LEKR1: variants seen among roughly 807,000 people sequenced by gnomAD.
LEKR1 encodes leucine, glutamate and lysine rich 1.
A neutral mutation model predicts 72.4 loss-of-function variants in LEKR1; 59 were observed. That is an observed-to-expected ratio of 0.82 (90% CI 0.66 to 1.01). LEKR1 has a LOEUF of 1.01. Among genes scored for constraint, LEKR1 ranks in the 50% least tolerant of loss-of-function variants. The probability of loss-of-function intolerance (pLI) is 0.00; values close to 1 mark genes in which losing one functional copy is unlikely to be tolerated. For missense variants in LEKR1, 728 were observed against 759.2 expected (o/e 0.96, Z 0.48); for synonymous variants, 257 against 263.2 (o/e 0.98, Z 0.23).
intron 5 of LEKR1, among the ~76,000 whole-genome samples, chr3:156,940,374 T>C (rs1726093945): frequency 1.3e-5 from 2 of 152,270 alleles, no homozygotes; most frequent in South Asian, 4.1e-4. Context: ...AGGTAACATT[T>C]GAGCCATGAT....
At chr3:156,972,117 T>A (rs1264207953) in intron 6 of LEKR1, among the ~76,000 whole-genome samples, 1 of 151,980 alleles carries the variant, frequency 6.6e-6, no homozygotes, top group African/African-American at 2.4e-5. Flanking sequence ...ATAGACTGGA[T>A]TAAGAAAATA....
rs1560157703 is a variant in LEKR1 at position 157,028,375 on chromosome 3, AG to A, written c.1642del (p.Glu548SerfsTer27). The stretch of plus-strand genomic sequence containing the variant: ...TAATGCTGGCTCAAACACAACTGAT[AG>A]AGCAATTTAACCAGTCCCAGGAAGA... ...RVMLAQTQLI[E>X]QFNQSQEENT... On this transcript the variant is annotated frameshift_variant, in exon 12 of 13. Transcript: ENST00000356539. LOFTEE classifies it low-confidence loss of function (END_TRUNC). The A allele has an allele frequency of 6.2e-6, 10 of 1,608,200 alleles. No homozygotes were observed. The East Asian group carries it at 2.2e-4, about 36-fold the overall frequency.
intron 12 of LEKR1, among the ~76,000 whole-genome samples, chr3:157,029,419 AAT>A (rs1262986050): frequency 6.6e-6 from 1 of 152,154 alleles, no homozygotes; most frequent in African/African-American, 2.4e-5. Flanking sequence ...AAGGTTGAAT[AAT>A]TTCCATAAGG....
At chr3:156,834,455 C>T (rs926893201) in intron 2 of LEKR1, among the ~76,000 whole-genome samples, 1 of 152,120 alleles carries the variant, frequency 6.6e-6, no homozygotes, top group Non-Finnish European at 1.5e-5. Flanking sequence ...TTCCTTTGAA[C>T]AAAAGCCATA....
Position 156,942,681 on chromosome 3 carries a change from A to T in LEKR1, c.712A>T (p.Thr238Ser). 12 of 1,261,554 alleles carry T rather than the reference A, an allele frequency of 9.5e-6. No homozygotes were observed. The highest frequency in any genetic ancestry group is 1.2e-5 in the Non-Finnish European group (12 of 979,226). The allele number at this position is 1,261,554 out of a possible 1,614,324, so 78.1% of individuals were successfully genotyped here. Residue 238 changes from threonine to serine, a missense_variant, in exon 6 of 13, where the codon ACC becomes TCC. Physicochemically the swap from Thr to Ser is moderately conservative, Grantham distance 58 (BLOSUM62 1). Transcript: ENST00000356539. Reference protein sequence around the residue: ...TSRQQEVNLQTRCYDLQKEVL... With the variant: ...TSRQQEVNLQSRCYDLQKEVL... ...TAGACAACAGGAAGTAAACTTGCAA[A>T]CCAGATGCTATGATTTGCAAAAAGA...
chr3:156,951,969 A>G (rs1295336393), intron 6 of LEKR1, among the ~76,000 whole-genome samples: 1 of 151,488 alleles, frequency 6.6e-6, no homozygotes, highest in Non-Finnish European at 1.5e-5. Flanking sequence ...ACTATTGGGT[A>G]TAGTATAAGG....
At chr3:156,883,336 G>T (rs2108553463) in intron 3 of LEKR1, among the ~76,000 whole-genome samples, 1 of 152,278 alleles carries the variant, frequency 6.6e-6, no homozygotes, top group Non-Finnish European at 1.5e-5. Context: ...GATTTTACAG[G>T]TTCATAGGCA....
At chr3:156,962,264 T>C (rs1374869969) in intron 6 of LEKR1, among the ~76,000 whole-genome samples, 1 of 152,250 alleles carries the variant, frequency 6.6e-6, no homozygotes, top group Non-Finnish European at 1.5e-5. Context: ...TGTTGGACTT[T>C]AGTTGGAATA....
At chr3:156,975,132 A>G (rs1729580893) in intron 6 of LEKR1, among the ~76,000 whole-genome samples, 1 of 152,166 alleles carries the variant, frequency 6.6e-6, no homozygotes, top group Admixed American at 6.5e-5. Flanking sequence ...ACTGGAGTTA[A>G]CAGTTAACAG....
chr3:156,899,610 ACACACATATATACACATATATACACG>A (rs1721730613), intron 3 of LEKR1, among the ~76,000 whole-genome samples: 1 of 140,982 alleles, frequency 7.1e-6, no homozygotes. Flanking sequence ...ACGTATATAT[ACACACATATATACACATATATACACG>A]CATATATACA....
At chr3:157,017,195 T>C (rs1336140556) in intron 10 of LEKR1, 6 of 152,300 alleles carry the variant, frequency 3.9e-5, no homozygotes, top group African/African-American at 1.4e-4. Context: ...ATAGACAATA[T>C]ACAAATGAAT....
At chr3:156,878,669 G>T (rs760109443) in intron 3 of LEKR1, among the ~76,000 whole-genome samples, 2 of 152,096 alleles carry the variant, frequency 1.3e-5, no homozygotes, top group African/African-American at 2.4e-5. Context: ...GTTTAAGTCT[G>T]TTGTTTCTTT....
intron 2 of LEKR1, among the ~76,000 whole-genome samples, chr3:156,839,694 A>G (rs56772168): frequency 0.019 from 2,966 of 152,292 alleles, 105 homozygotes; most frequent in African/African-American, 0.067. Context: ...AAGACATAGT[A>G]GAGGCAGTGC....
At chr3:156,917,502 G>A (rs1239387223) in intron 3 of LEKR1, among the ~76,000 whole-genome samples, 1 of 152,110 alleles carries the variant, frequency 6.6e-6, no homozygotes, top group African/African-American at 2.4e-5. Context: ...CTGAAGCAGG[G>A]GGAAGGGTGG....
chr3:156,911,696 G>T (rs1451128972), intron 3 of LEKR1, among the ~76,000 whole-genome samples: 6 of 151,860 alleles, frequency 4.0e-5, no homozygotes, highest in African/African-American at 1.2e-4. Context: ...GAGAGGTAGG[G>T]GTCCAGTTTC....
chr3:157,036,380 G>A (rs139352037), intron 12 of LEKR1, among the ~76,000 whole-genome samples: 144 of 152,114 alleles, frequency 9.5e-4, no homozygotes, highest in African/African-American at 2.9e-3. Context: ...CAAAAAGATG[G>A]AGAAAAGAAA....
At chr3:157,017,445 G>GCT (rs1292750888) in intron 10 of LEKR1, 1 of 152,170 alleles carries the variant, frequency 6.6e-6, no homozygotes, top group African/African-American at 2.4e-5. Flanking sequence ...CTCCCTTACT[G>GCT]CTCTATATGT....
At chr3:156,880,759 C>G (rs948985763) in intron 3 of LEKR1, among the ~76,000 whole-genome samples, 15 of 152,064 alleles carry the variant, frequency 9.9e-5, no homozygotes, top group Non-Finnish European at 2.2e-4. Flanking sequence ...CAATAAAATA[C>G]TGGCAAACCG....
chr3:156,973,924 G>A (rs1042525955), intron 6 of LEKR1, among the ~76,000 whole-genome samples: 3 of 152,178 alleles, frequency 2.0e-5, no homozygotes, highest in African/African-American at 7.2e-5. Flanking sequence ...TTTATTCAGT[G>A]AAGTAGGAAT....
Sources: gnomAD v4.1 joint callset for allele counts (sites outside exome capture counted in the v4.1 genomes callset) on GRCh38, gnomAD v4.1.1 for gene constraint, MANE v1.5 for transcripts, NCBI Gene and HGNC (gene_info 2026-07-23, HGNC 2026-07-21) for gene names.